The following TOX3 variants were observed in gnomAD, a reference collection of about 807,000 sequenced individuals.
The protein encoded by TOX3 is CAG trinucleotide repeat-containing gene F9 protein.
TOX3 carries 22 observed loss-of-function variants against 64.3 expected under a neutral mutation model. The ratio of observed to expected loss-of-function variants is 0.34; its 90% CI spans 0.24 to 0.49. TOX3 has a LOEUF of 0.49. TOX3 is among the 20% of genes least tolerant of loss of function. The pLI is 0.99. For missense variants in TOX3, 661 were observed against 714.4 expected, an observed-to-expected ratio of 0.93 and a Z score of 0.85; for synonymous variants, 291 against 273.6, an observed-to-expected ratio of 1.06 and a Z score of -0.63.
chr16:52,535,865 A>G (rs749876374), intron 1 of TOX3, among the ~76,000 whole-genome samples: 4 of 152,212 alleles, frequency 2.6e-5, no homozygotes, highest in Admixed American at 6.5e-5. Flanking sequence ...GATAAAAAAA[A>G]TTAAAAATAA....
At chr16:52,535,838 C>T (rs1349029505) in intron 1 of TOX3, among the ~76,000 whole-genome samples, 1 of 152,122 alleles carries the variant, frequency 6.6e-6, no homozygotes, top group Non-Finnish European at 1.5e-5. Flanking sequence ...CTTCCTGCCA[C>T]CAACACATCA....
chr16:52,498,845 G>A (rs1164790928), intron 1 of TOX3, among the ~76,000 whole-genome samples: 1 of 152,204 alleles, frequency 6.6e-6, no homozygotes, highest in African/African-American at 2.4e-5. Flanking sequence ...CTGCGCCATC[G>A]AAAGACAATT....
chr16:52,512,868 G>T (rs1039505251), intron 1 of TOX3, among the ~76,000 whole-genome samples: 1 of 152,156 alleles, frequency 6.6e-6, no homozygotes, highest in African/African-American at 2.4e-5. Flanking sequence ...TGAATGCCAA[G>T]AAGTGTTAAG....
Position 52,502,725 on chromosome 16 carries a change from C to G in TOX3, c.88-34151G>C, listed in dbSNP as rs28665779. On this transcript the variant is annotated intron_variant, in intron 1 of 6. Transcript: ENST00000219746. ...CACCAACATAAGAATTCCATGATAT[C>G]CTAAAGAGCAATGAACCCAGGTAAT... is the stretch of plus-strand genomic sequence containing the variant. 2.7e-3 allele frequency among the ~76,000 whole-genome samples: 416 copies of G among 152,270 alleles called. 2 individuals carry two copies. Among genetic ancestry groups the G allele is most frequent in the African/African-American group, 9.7e-3 (402 of 41,564 alleles).
chr16:52,440,900 AC>A (rs1959960441), intron 6 of TOX3, among the ~76,000 whole-genome samples: 1 of 151,784 alleles, frequency 6.6e-6, no homozygotes, highest in South Asian at 2.1e-4. Flanking sequence ...AGCTGGCACT[AC>A]AGGTGCCCAC....
intron 1 of TOX3, among the ~76,000 whole-genome samples, chr16:52,504,019 T>C (rs1221472601): frequency 1.3e-5 from 2 of 152,212 alleles, no homozygotes; most frequent in African/African-American, 4.8e-5. Flanking sequence ...AGATGAGATA[T>C]TTAATAAATA....
chr16:52,506,861 G>T (rs978364658), intron 1 of TOX3, among the ~76,000 whole-genome samples: 1 of 152,186 alleles, frequency 6.6e-6, no homozygotes, highest in Non-Finnish European at 1.5e-5. Flanking sequence ...AGAAGCACTA[G>T]TATTTATTAT....
chr16:52,519,846 C>T (rs955590181), intron 1 of TOX3, among the ~76,000 whole-genome samples: 4 of 151,728 alleles, frequency 2.6e-5, no homozygotes, highest in African/African-American at 9.7e-5. Flanking sequence ...TCCACAGTCC[C>T]AGCTACTCAA....
In TOX3 at chr16:52,546,929, G is replaced by C. The variant is rs1963210481; in HGVS notation, c.-206C>G. ...AGGCGCGGCCACGCGAGCCGCGGGA[G>C]AGCGGGAGGCGGCCGGGGGGACGCG... On this transcript the variant is annotated 5_prime_UTR_variant, in exon 1 of 7. Transcript: ENST00000219746. The C allele has an allele frequency of 1.9e-6, 2 of 1,037,332 alleles. No individual in the cohort carries two copies. The highest frequency in any genetic ancestry group is 2.3e-6 in the Non-Finnish European group (2 of 865,076). The allele number at this position is 1,037,332 out of a possible 1,614,324, so 64.3% of individuals were successfully genotyped here. A position where few individuals can be genotyped will look rare whatever the true frequency, so the allele number is the denominator to read the frequency against.
At chr16:52,491,046 G>A (rs1044283062) in intron 1 of TOX3, among the ~76,000 whole-genome samples, 3 of 152,116 alleles carry the variant, frequency 2.0e-5, no homozygotes, top group African/African-American at 4.8e-5. Context: ...TCACTGTCAG[G>A]GTTAAAATAC....
chr16:52,463,851 G>A (rs1451804758), intron 3 of TOX3, 83 bp downstream of exon 3: 3 of 1,437,864 alleles, frequency 2.1e-6, no homozygotes, highest in Admixed American at 5.4e-5. Flanking sequence ...GCAAGAGCAC[G>A]TTTCAGAACA....
intron 1 of TOX3, among the ~76,000 whole-genome samples, chr16:52,499,715 G>A (rs1278956100): frequency 6.6e-6 from 1 of 152,190 alleles, no homozygotes; most frequent in Non-Finnish European, 1.5e-5. Context: ...TCACCTGGAC[G>A]CCATGGTTCT....
intron 3 of TOX3, among the ~76,000 whole-genome samples, chr16:52,457,728 C>G (rs894637332): frequency 2.0e-5 from 3 of 152,138 alleles, no homozygotes; most frequent in African/African-American, 7.2e-5. Flanking sequence ...TGCATAGCTA[C>G]TACTTTTGTA....
At chr16:52,468,687 T>C (rs912562032) in intron 1 of TOX3, 113 bp from the exon 2 acceptor site, 3 of 771,018 alleles carry the variant, frequency 3.9e-6, no homozygotes, top group African/African-American at 3.5e-5. Flanking sequence ...TCAGCCCAAA[T>C]GCAAAACATG....
At chr16:52,474,197 G>A (rs2151443677) in intron 1 of TOX3, among the ~76,000 whole-genome samples, 1 of 152,182 alleles carries the variant, frequency 6.6e-6, no homozygotes, top group African/African-American at 2.4e-5. Context: ...CTCTCTCTCT[G>A]TCTCCCTTCC....
intron 1 of TOX3, among the ~76,000 whole-genome samples, chr16:52,484,547 C>T (rs1230438628): frequency 6.6e-6 from 1 of 151,994 alleles, no homozygotes; most frequent in East Asian, 1.9e-4. Flanking sequence ...CAGCAATAAT[C>T]AAGTTTTACT....
chr16:52,474,597 A>G (rs1398588791), intron 1 of TOX3, among the ~76,000 whole-genome samples: 1 of 151,790 alleles, frequency 6.6e-6, no homozygotes, highest in Non-Finnish European at 1.5e-5. Flanking sequence ...AGCCAGGGTG[A>G]CAAAGTGAGA....
intron 1 of TOX3, among the ~76,000 whole-genome samples, chr16:52,484,105 C>G (rs890709232): frequency 6.6e-6 from 1 of 152,052 alleles, no homozygotes; most frequent in Non-Finnish European, 1.5e-5. Flanking sequence ...ATTTTTGACC[C>G]TAAACAAAAT....
chr16:52,517,870 G>A (rs1034164693), intron 1 of TOX3, among the ~76,000 whole-genome samples: 4 of 152,116 alleles, frequency 2.6e-5, no homozygotes, highest in Non-Finnish European at 5.9e-5. Context: ...GACCGAAAGA[G>A]ACACAGATTT....
Sources: allele counts gnomAD v4.1 joint callset (sites outside exome capture counted in the v4.1 genomes callset), GRCh38; gene constraint gnomAD v4.1.1; transcripts MANE v1.5; gene names NCBI Gene and HGNC (gene_info 2026-07-23, HGNC 2026-07-21).